PDZK1: variants seen among roughly 807,000 people sequenced by gnomAD.
PDZK1 encodes the protein PDZ domain containing 1.
A neutral mutation model predicts 38.1 loss-of-function variants in PDZK1; 23 were observed. The ratio of observed to expected loss-of-function variants is 0.60; its 90% CI spans 0.43 to 0.85. PDZK1 has a LOEUF of 0.85. PDZK1 is among the 40% of genes least tolerant of loss of function. PDZK1 has a pLI of 0.00. For synonymous variants in PDZK1, 98 were observed against 186.2 expected (o/e 0.53, Z 3.86); for missense variants, 297 against 504.3 (o/e 0.59, Z 3.94).
intron 1 of PDZK1, among the ~76,000 whole-genome samples, chr1:145,696,958 C>T (rs1655663231): frequency 6.6e-6 from 1 of 152,100 alleles, no homozygotes; most frequent in Admixed American, 6.5e-5. Flanking sequence ...ACATGAAGCC[C>T]ATCAATGAGA....
intron 5 of PDZK1, among the ~76,000 whole-genome samples, chr1:145,679,365 A>T (rs782644669): frequency 2.0e-5 from 3 of 152,074 alleles, no homozygotes; most frequent in Non-Finnish European, 4.4e-5. Flanking sequence ...ACACTTGGCA[A>T]CTGATTCTTC....
chr1:145,691,248 T>G (rs898733622), intron 1 of PDZK1, among the ~76,000 whole-genome samples: 2 of 152,206 alleles, frequency 1.3e-5, no homozygotes, highest in Non-Finnish European at 2.9e-5. Flanking sequence ...AACTATTTGT[T>G]TCCTTTGCCA....
chr1:145,693,601 C>G (rs1435860195), intron 1 of PDZK1, among the ~76,000 whole-genome samples: 1 of 151,862 alleles, frequency 6.6e-6, no homozygotes, highest in African/African-American at 2.4e-5. Flanking sequence ...CGTGAAACCC[C>G]GTCTCTACTA....
At chr1:145,685,904 G>T (rs1654713275) in intron 3 of PDZK1, among the ~76,000 whole-genome samples, 1 of 152,158 alleles carries the variant, frequency 6.6e-6, no homozygotes, top group Non-Finnish European at 1.5e-5. Flanking sequence ...CCTCAGAACA[G>T]GTGGGGCTGA....
intron 1 of PDZK1, among the ~76,000 whole-genome samples, chr1:145,692,363 C>T (rs1553703422): frequency 6.6e-6 from 1 of 152,206 alleles, no homozygotes; most frequent in Non-Finnish European, 1.5e-5. Context: ...GAGCTGGGAG[C>T]TGTTCCTGAG....
chr1:145,675,631 A>G (rs1553699122), intron 6 of PDZK1, among the ~76,000 whole-genome samples: 2 of 151,886 alleles, frequency 1.3e-5, no homozygotes, highest in South Asian at 4.2e-4. Context: ...ATTACATGCA[A>G]AAATACGTCT....
chr1:145,705,711 A>C (rs1198331353), intron 1 of PDZK1, among the ~76,000 whole-genome samples: 1 of 152,148 alleles, frequency 6.6e-6, no homozygotes, highest in African/African-American at 2.4e-5. Context: ...CGATATACAC[A>C]TTTGAAATCT....
intron 3 of PDZK1, among the ~76,000 whole-genome samples, chr1:145,684,531 C>G (rs1233726303): frequency 1.3e-5 from 2 of 152,086 alleles, no homozygotes; most frequent in African/African-American, 4.8e-5. Context: ...TTTATTGATA[C>G]ATAACATTTG....
At chr1:145,679,542 CCTT>C (rs782773589) in intron 5 of PDZK1, among the ~76,000 whole-genome samples, 2 of 152,104 alleles carry the variant, frequency 1.3e-5, no homozygotes, top group Non-Finnish European at 1.5e-5. Flanking sequence ...CTTCCCCAGT[CCTT>C]CTGTCTGATA....
chr1:145,686,539 G>A lies in PDZK1; in HGVS notation c.398C>T (p.Pro133Leu). 1.2e-6 allele frequency: 2 copies of A among 1,611,796 alleles called. No individual in the cohort carries two copies. The highest frequency in any genetic ancestry group is 1.7e-6 in the Non-Finnish European group (2 of 1,179,824). The change falls in exon 3 of 9, where the codon CCC becomes CTC. Residue 133 changes from proline to leucine, a missense_variant. Around this residue, in one of 5 missense-constraint regions of PDZK1, gnomAD observed 159 missense variants for 200.0 expected, o/e 0.79. Coordinates refer to ENST00000417171, the MANE Select transcript of PDZK1 (RefSeq NM_001201325.2). ...TTCCTTCACGAGATAGCAGAGCCGG[G>A]GCTGGGTCCAAGTTTGCACACCTCC... ...MNGGVQTWTQ[P>L]RLCYLVKEGG... is the part of the protein sequence containing the mutation.
intron 1 of PDZK1, among the ~76,000 whole-genome samples, chr1:145,703,257 C>A (rs1553705241): frequency 6.6e-6 from 1 of 152,150 alleles, no homozygotes; most frequent in Non-Finnish European, 1.5e-5. Context: ...CAGGGCTCAA[C>A]CCAGAATAGC....
At chr1:145,706,022 G>A (rs1159836091) in intron 1 of PDZK1, among the ~76,000 whole-genome samples, 1 of 152,146 alleles carries the variant, frequency 6.6e-6, no homozygotes, top group African/African-American at 2.4e-5. Flanking sequence ...CCAAAGTGCT[G>A]GGATTACAGG....
chr1:145,694,889 C>A, intron 1 of PDZK1, among the ~76,000 whole-genome samples: 1 of 89,276 alleles, frequency 1.1e-5, no homozygotes. Context: ...GAGCAAGACT[C>A]TGTCTCAAAA....
intron 1 of PDZK1, among the ~76,000 whole-genome samples, chr1:145,706,330 G>A (rs1553705732): frequency 6.6e-6 from 1 of 152,144 alleles, no homozygotes; most frequent in Non-Finnish European, 1.5e-5. Context: ...AAAAGTCAAA[G>A]ATAAGCACAA....
At chr1:145,704,631 T>C (rs587736823) in intron 1 of PDZK1, among the ~76,000 whole-genome samples, 3 of 152,310 alleles carry the variant, frequency 2.0e-5, no homozygotes, top group African/African-American at 7.2e-5. Context: ...CCAGTGCTCA[T>C]TTTCTTAATC....
rs1553705599 is a variant in PDZK1 at position 145,705,635 on chromosome 1, AAAGACTAGGAC to A, written c.-3+1671_-3+1681del. On this transcript the variant is annotated intron_variant, in intron 1 of 8. Coordinates refer to ENST00000417171, the MANE Select transcript of PDZK1 (RefSeq NM_001201325.2). ...AGCAAACAGAGGCTCAATGAGATTA[AAAGACTAGGAC>A]AAGGTTTCCCAAGTGACTGCAATTT... 7.9e-5 allele frequency among the ~76,000 whole-genome samples: 12 copies of A among 152,308 alleles called. No homozygotes were observed. The South Asian group carries it at 2.5e-3, about 32-fold the overall frequency.
chr1:145,687,994 AT>A lies in PDZK1; in HGVS notation c.27del (p.Glu9AspfsTer74). Reference sequence around the variant, plus strand: ...TGCCCTTCTTGCTTGGACAGTTTACATTCTCGGGGGTTGAAGGTGGAGGTCA... The same window carrying A: ...TGCCCTTCTTGCTTGGACAGTTTACATCTCGGGGGTTGAAGGTGGAGGTCA... The part of the protein sequence containing the change: MTSTFNPR[E>X]CKLSKQEGQN... On this transcript the variant is annotated frameshift_variant, in exon 2 of 9. Transcript: ENST00000417171. LOFTEE classifies it high-confidence loss of function. 6 of 1,612,476 alleles carry A rather than the reference AT, an allele frequency of 3.7e-6. 1 individual carries two copies. The highest frequency in any genetic ancestry group is 5.1e-6 in the Non-Finnish European group (6 of 1,179,594).
chr1:145,692,322 C>T (rs1655284657), intron 1 of PDZK1, among the ~76,000 whole-genome samples: 1 of 152,204 alleles, frequency 6.6e-6, no homozygotes, highest in South Asian at 2.1e-4. Flanking sequence ...ACCACCCTCA[C>T]CAACTCCTCT....
At chr1:145,677,369 C>CT (rs1189026421) in intron 6 of PDZK1, among the ~76,000 whole-genome samples, 16 of 151,104 alleles carry the variant, frequency 1.1e-4, no homozygotes, top group African/African-American at 3.9e-4. Context: ...TCTAGTGCCA[C>CT]TTTAAGTATG....
Sources: allele counts gnomAD v4.1 joint callset (sites outside exome capture counted in the v4.1 genomes callset), GRCh38; gene constraint gnomAD v4.1.1; regional missense constraint gnomAD v4.1.1; transcripts MANE v1.5; gene names NCBI Gene and HGNC (gene_info 2026-07-23, HGNC 2026-07-21).